ALG12: variants seen among roughly 807,000 people sequenced by gnomAD.
ALG12 encodes dol-P-Man:Man(7)GlcNAc(2)-PP-Dol alpha-1,6-mannosyltransferase.
In ALG12, 36 loss-of-function variants were observed where a neutral mutation model predicts 46.0. The observed-to-expected ratio is 0.78, with a 90% CI of 0.60 to 1.03. ALG12 has a LOEUF of 1.03. ALG12 is among the 50% of genes least tolerant of loss of function. The pLI is 0.00. For missense variants in ALG12, 599 were observed against 633.5 expected, an observed-to-expected ratio of 0.95 and a Z score of 0.58; for synonymous variants, 326 against 291.6, an observed-to-expected ratio of 1.12 and a Z score of -1.20.
At chr22:49,867,381 G>T in the ALG12 span, among the ~76,000 whole-genome samples, 1,031 of 152,272 alleles carry the variant, frequency 6.8e-3, 9 homozygotes, top group African/African-American at 0.023. Context: ...TGGGAGCGGC[G>T]GTTGGGGAGG....
At chr22:49,916,645 A>G (rs1231348549) in intron 1 of ALG12, among the ~76,000 whole-genome samples, 1 of 152,186 alleles carries the variant, frequency 6.6e-6, no homozygotes, top group African/African-American at 2.4e-5. Flanking sequence ...GCTACTCAGG[A>G]GTTCAAGACC....
intron 3 of ALG12, among the ~76,000 whole-genome samples, chr22:49,913,126 C>T (rs1483935081): frequency 6.6e-6 from 1 of 152,222 alleles, no homozygotes; most frequent in East Asian, 1.9e-4. Flanking sequence ...GCGAGAGCTG[C>T]CTCACAGGCA....
chr22:49,861,727 G>A, the ALG12 span, among the ~76,000 whole-genome samples: 6 of 152,278 alleles, frequency 3.9e-5, no homozygotes, highest in East Asian at 5.8e-4. Flanking sequence ...GTGAGCTGCC[G>A]TGGCTGGCCC....
chr22:49,865,516 G>A, the ALG12 span, among the ~76,000 whole-genome samples: 8 of 151,830 alleles, frequency 5.3e-5, no homozygotes, highest in South Asian at 8.3e-4. Flanking sequence ...ATAATAACCC[G>A]TCTCTATTAA....
the ALG12 span, among the ~76,000 whole-genome samples, chr22:49,869,548 G>A: frequency 2.6e-5 from 4 of 152,154 alleles, no homozygotes; most frequent in East Asian, 7.7e-4. Flanking sequence ...CTGAATTCTG[G>A]TTTGGCTCTC....
chr22:49,903,640 C>G lies in ALG12; in HGVS notation c.*198G>C. 2.7e-6 allele frequency: 2 copies of G among 735,708 alleles called. No individual in the cohort carries two copies. Among genetic ancestry groups the G allele is most frequent in the African/African-American group, 1.7e-5 (1 of 57,970 alleles). The allele number at this position is 735,708 out of a possible 1,614,324, so 45.6% of individuals were successfully genotyped here. A position where few individuals can be genotyped will look rare whatever the true frequency, so the allele number is the denominator to read the frequency against. ...CGGGGTGCCAACAAGACCTGGGCCC[C>G]TCGTTCTTTGGTGCTGAGAGCCCCA... is the stretch of plus-strand genomic sequence containing the variant. On this transcript the variant is annotated 3_prime_UTR_variant, in exon 10 of 10. Transcript: ENST00000330817.
the ALG12 span, among the ~76,000 whole-genome samples, chr22:49,870,781 A>G: frequency 6.6e-6 from 1 of 151,740 alleles, no homozygotes. Flanking sequence ...TATTCTGTCG[A>G]TGGTCTCCTT....
At chr22:49,869,975 C>G in the ALG12 span, among the ~76,000 whole-genome samples, 446 of 152,254 alleles carry the variant, frequency 2.9e-3, 1 homozygote, top group African/African-American at 9.8e-3. Flanking sequence ...CTTCCTCCCT[C>G]CCTCACTCCT....
At chr22:49,904,540 A>C (rs751456005) in intron 7 of ALG12, 34 bp from the exon 8 acceptor site, 8 of 1,611,864 alleles carry the variant, frequency 5.0e-6, no homozygotes, top group African/African-American at 2.7e-5. Flanking sequence ...CATAGGCAGA[A>C]CGTAATGACA....
chr22:49,907,984 A>G (rs368803634), intron 6 of ALG12, 40 bp from the exon 7 acceptor site: 4 of 1,593,046 alleles, frequency 2.5e-6, no homozygotes, highest in African/African-American at 2.7e-5. Flanking sequence ...CTGTCCACGC[A>G]TGAGCCCGTG....
chr22:49,918,057 A>AGAGGTCCGGCCC (rs2060628769), intron 1 of ALG12: 1 of 97,156 alleles, frequency 1.0e-5, no homozygotes, highest in Non-Finnish European at 2.1e-5. Context: ...CCCCCAGGTG[A>AGAGGTCCGGCCC]CAGGTCCAGC....
the ALG12 span, among the ~76,000 whole-genome samples, chr22:49,872,762 T>C: frequency 2.0e-5 from 3 of 151,618 alleles, no homozygotes; most frequent in Admixed American, 2.0e-4. Context: ...TGGAGTGCAG[T>C]GACGTGATCG....
In ALG12 at chr22:49,913,819, C is replaced by T. The variant is rs1328764072; in HGVS notation, c.-54G>A. On this transcript the variant is annotated 5_prime_UTR_variant, in exon 2 of 10. Transcript: ENST00000330817. ...CAGGCCAACAGTGCGAGACACCAGC[C>T]GTTAGCACTGCCACTCCACGCATGC... The T allele has an allele frequency of 3.7e-6, 6 of 1,605,864 alleles. No homozygotes were observed. Among genetic ancestry groups the T allele is most frequent in the Admixed American group, 1.7e-5 (1 of 60,012 alleles).
chr22:49,876,941 C>G, the ALG12 span, among the ~76,000 whole-genome samples: 5 of 152,168 alleles, frequency 3.3e-5, no homozygotes, highest in South Asian at 6.2e-4. Flanking sequence ...TTTGATGAAT[C>G]CGATTTTTCC....
chr22:49,891,299 T>C, the ALG12 span, among the ~76,000 whole-genome samples: 1 of 152,228 alleles, frequency 6.6e-6, no homozygotes, highest in Non-Finnish European at 1.5e-5. Context: ...AAAGCTCTGC[T>C]CTTGTCTGCA....
the ALG12 span, among the ~76,000 whole-genome samples, chr22:49,895,121 G>A: frequency 6.6e-6 from 1 of 151,130 alleles, no homozygotes; most frequent in Admixed American, 6.6e-5. Flanking sequence ...ATCTTTCTAT[G>A]TTAGTAAACC....
intron 3 of ALG12, among the ~76,000 whole-genome samples, chr22:49,911,450 T>A (rs76913499): frequency 0.12 from 18,115 of 151,746 alleles, 1,081 homozygotes; most frequent in South Asian, 0.15. Flanking sequence ...TTTTTTCTTT[T>A]TAAGGACAGA....
Position 49,903,871 on chromosome 22 carries a change from C to T in ALG12, c.1434G>A (p.Leu478=), listed in dbSNP as rs1238329648. 6.2e-7 allele frequency: 1 copy of T among 1,614,262 alleles called. No individual in the cohort carries two copies. Among genetic ancestry groups the T allele is most frequent in the Admixed American group, 1.7e-5 (1 of 60,036 alleles). Residue 478 remains leucine (L), a synonymous_variant, in exon 10 of 10, where the codon CTG becomes CTA. Transcript: ENST00000330817. ...PPFNVHLQTK[L]VLLERLPRPS is the part of the protein sequence containing the mutation. Reference sequence around the variant, plus strand: ...GCCGGGGGAGCCTCTCCAGAAGCACCAGCTTTGTCTGCAGGTGGACGTTGA... The same window carrying T: ...GCCGGGGGAGCCTCTCCAGAAGCACTAGCTTTGTCTGCAGGTGGACGTTGA...
At chr22:49,885,295 G>T in the ALG12 span, 1 of 1,592,298 alleles carries the variant, frequency 6.3e-7, no homozygotes, top group Non-Finnish European at 8.6e-7. Context: ...GCCAACAGTG[G>T]TCACAAAAAA....
Sources: allele counts gnomAD v4.1 joint callset (sites outside exome capture counted in the v4.1 genomes callset), GRCh38; gene constraint gnomAD v4.1.1; transcripts MANE v1.5; gene names NCBI Gene and HGNC (gene_info 2026-07-23, HGNC 2026-07-21).